The following SEPTIN9 variants were observed in gnomAD, a reference collection of about 807,000 sequenced individuals.
SEPTIN9 encodes septin 9, also known as septin-9.
In SEPTIN9, 13 loss-of-function variants were observed where a neutral mutation model predicts 56.6. The ratio of observed to expected loss-of-function variants is 0.23; its 90% CI spans 0.15 to 0.37. The LOEUF (loss-of-function observed/expected upper bound fraction) is 0.37, where lower values mean the gene tolerates loss of function less well. Ranked by LOEUF, SEPTIN9 falls within the 10% of genes least tolerant of loss-of-function variation. SEPTIN9 has a pLI of 1.00. For missense variants in SEPTIN9, 650 were observed against 823.1 expected (o/e 0.79, Z 2.57); for synonymous variants, 332 against 334.1 (o/e 0.99, Z 0.07).
chr17:77,357,715 A>G (rs539545564), intron 2 of SEPTIN9, among the ~76,000 whole-genome samples: 1 of 152,218 alleles, frequency 6.6e-6, no homozygotes, highest in East Asian at 1.9e-4. Context: ...CCCGAGCTCA[A>G]GCAATCCTCC....
intron 3 of SEPTIN9, among the ~76,000 whole-genome samples, chr17:77,408,667 G>T (rs1279506821): frequency 1.3e-5 from 2 of 150,856 alleles, no homozygotes; most frequent in African/African-American, 4.9e-5. Context: ...AGCTGAGCCT[G>T]AGTGGGGGGT....
chr17:77,497,929 C>T (rs1194437241), intron 11 of SEPTIN9, among the ~76,000 whole-genome samples: 40 of 20,902 alleles, frequency 1.9e-3, no homozygotes, highest in Admixed American at 5.6e-3. Context: ...TCCAGGTTGG[C>T]GGGGGCAGGG....
intron 2 of SEPTIN9, among the ~76,000 whole-genome samples, chr17:77,365,453 T>C (rs1022387603): frequency 5.9e-5 from 9 of 152,174 alleles, no homozygotes; most frequent in African/African-American, 2.2e-4. Context: ...TATCTTTTCT[T>C]TCTCTCTCTT....
Position 77,319,641 on chromosome 17 carries a change from C to T in SEPTIN9, c.76+12444C>T, listed in dbSNP as rs1016803558. The T allele has an allele frequency of 1.6e-5, 17 of 1,062,516 alleles. No individual in the cohort carries two copies. The highest frequency in any genetic ancestry group is 3.3e-5 in the African/African-American group (2 of 60,850). The allele number at this position is 1,062,516 out of a possible 1,614,324, so 65.8% of individuals were successfully genotyped here. A position where few individuals can be genotyped will look rare whatever the true frequency, so the allele number is the denominator to read the frequency against. On this transcript the variant is annotated intron_variant, in intron 2 of 11. Coordinates refer to ENST00000427177, the MANE Select transcript of SEPTIN9 (RefSeq NM_001113491.2). The surrounding 1 kb of genome is among the most constrained non-coding windows in gnomAD (Gnocchi z 5.3). ...CACGGCCGTTCCTCCTGCCCAGCCA[C>T]GTTGGGGTACAGGGTGAAGAAGGGC... is the stretch of plus-strand genomic sequence containing the variant.
intron 3 of SEPTIN9, among the ~76,000 whole-genome samples, chr17:77,474,719 T>A (rs1432955587): frequency 6.6e-6 from 1 of 152,224 alleles, no homozygotes; most frequent in Non-Finnish European, 1.5e-5. Context: ...CTTCAAATCC[T>A]GGCTCTACCG....
chr17:77,307,955 G>A (rs757627488), intron 2 of SEPTIN9, among the ~76,000 whole-genome samples: 1 of 152,200 alleles, frequency 6.6e-6, no homozygotes, highest in Non-Finnish European at 1.5e-5. Flanking sequence ...TCCCCTGCCT[G>A]ACCCCAGTGT....
rs905326003 is a variant in SEPTIN9, at chr17:77,450,833, C to G, written c.722-31311C>G. 2 of 983,448 alleles carry G rather than the reference C, an allele frequency of 2.0e-6. No individual in the cohort carries two copies. The highest frequency in any genetic ancestry group is 9.4e-5 in the South Asian group (2 of 21,226). The allele number at this position is 983,448 out of a possible 1,614,324, so 60.9% of individuals were successfully genotyped here. On this transcript the variant is annotated intron_variant, in intron 3 of 11. Coordinates refer to ENST00000427177, the MANE Select transcript of SEPTIN9 (RefSeq NM_001113491.2). The surrounding 1 kb of genome is among the most constrained non-coding windows in gnomAD (Gnocchi z 6.0). ...TGCCCCTCCTCTCCTGCTCCTTCTCCCTTCCATGGTCCCAGCCAGCAAGCA... is the reference window on the plus strand; with the variant it reads ...TGCCCCTCCTCTCCTGCTCCTTCTCGCTTCCATGGTCCCAGCCAGCAAGCA...
chr17:77,378,383 A>G (rs1410718257), intron 2 of SEPTIN9, among the ~76,000 whole-genome samples: 1 of 152,090 alleles, frequency 6.6e-6, no homozygotes, highest in East Asian at 1.9e-4. Flanking sequence ...CCCTGCCTGC[A>G]AAGTGGGGTT....
intron 3 of SEPTIN9, among the ~76,000 whole-genome samples, chr17:77,478,701 G>A (rs1174524552): frequency 6.6e-6 from 1 of 151,964 alleles, no homozygotes; most frequent in Non-Finnish European, 1.5e-5. Context: ...TACTTGAGAG[G>A]CTGAGGCAGG....
chr17:77,478,803 TAA>T (rs528548050), intron 3 of SEPTIN9, among the ~76,000 whole-genome samples: 28 of 102,606 alleles, frequency 2.7e-4, no homozygotes, highest in Non-Finnish European at 4.0e-4. Flanking sequence ...AAACTCTGTC[TAA>T]AAAAAAAAAA....
At chr17:77,455,573 A>G (rs927697568) in intron 3 of SEPTIN9, among the ~76,000 whole-genome samples, 3 of 152,238 alleles carry the variant, frequency 2.0e-5, no homozygotes, top group Non-Finnish European at 4.4e-5. Context: ...CCACAGGACC[A>G]GGAGGTACGC....
chr17:77,393,020 C>G (rs1003002390), intron 2 of SEPTIN9, among the ~76,000 whole-genome samples: 8 of 152,264 alleles, frequency 5.3e-5, no homozygotes, highest in African/African-American at 1.9e-4. Context: ...GCCCCAGGAG[C>G]CACCTCCCTC....
intron 2 of SEPTIN9, among the ~76,000 whole-genome samples, chr17:77,355,616 C>A (rs72896143): frequency 0.22 from 33,110 of 151,942 alleles, 4,130 homozygotes; most frequent in East Asian, 0.61. Flanking sequence ...AACCCATGCA[C>A]CGTGGCTGCC....
intron 4 of SEPTIN9, among the ~76,000 whole-genome samples, chr17:77,484,362 A>G (rs1208621139): frequency 2.2e-5 from 3 of 133,476 alleles, no homozygotes; most frequent in South Asian, 5.1e-4. Flanking sequence ...GATAGTGATC[A>G]TGAGGGTGAT....
rs553088548 is a variant in SEPTIN9, at chr17:77,434,597, G to A, written c.721+31894G>A. Among the ~76,000 whole-genome samples the A allele has an allele frequency of 2.5e-4, 38 of 152,300 alleles. No homozygotes were observed. In the South Asian group the frequency reaches 5.0e-3, roughly 20 times the overall value. On this transcript the variant is annotated intron_variant, in intron 3 of 11. Transcript: ENST00000427177. This position sits in a 1 kb window ranked among gnomAD's most constrained non-coding sequence, Gnocchi z 5.0. ...CTGCAGGTAGTCCCCTGTGGTTGAA[G>A]GTGCCCTGGCAGGACCTGCACCATG...
chr17:77,478,896 T>A (rs2039335336), intron 3 of SEPTIN9, among the ~76,000 whole-genome samples: 1 of 152,070 alleles, frequency 6.6e-6, no homozygotes. Context: ...GGTGAACCTT[T>A]CGGGTATTAC....
chr17:77,407,535 T>C (rs2036133802), intron 3 of SEPTIN9, among the ~76,000 whole-genome samples: 1 of 148,358 alleles, frequency 6.7e-6, no homozygotes. Context: ...GAGGGCTCAG[T>C]GGGTGGGTGT....
At chr17:77,488,659 G>A (rs1182563527) in intron 6 of SEPTIN9, 68 bp from the exon 7 acceptor site, 1 of 1,602,296 alleles carries the variant, frequency 6.2e-7, no homozygotes, top group African/African-American at 1.3e-5. Flanking sequence ...TCTGAGTCCT[G>A]GGAATGCACG....
chr17:77,362,752 A>G (rs72896146), intron 2 of SEPTIN9, among the ~76,000 whole-genome samples: 35,521 of 152,232 alleles, frequency 0.23, 4,577 homozygotes, highest in East Asian at 0.61. Context: ...TGGATGCCAC[A>G]CTAACTCAGT....
Sources: allele counts gnomAD v4.1 joint callset (sites outside exome capture counted in the v4.1 genomes callset), GRCh38; gene constraint gnomAD v4.1.1; non-coding constraint Gnocchi (gnomAD v3.1); transcripts MANE v1.5; gene names NCBI Gene and HGNC (gene_info 2026-07-23, HGNC 2026-07-21).